The following HMGA2 variants were observed in gnomAD, a reference collection of about 807,000 sequenced individuals.
The protein encoded by HMGA2 is high mobility group protein HMGI-C.
HMGA2 carries 8 observed loss-of-function variants against 19.1 expected under a neutral mutation model. The observed-to-expected ratio is 0.42, with a 90% CI of 0.25 to 0.76. The LOEUF (loss-of-function observed/expected upper bound fraction) is 0.76. HMGA2 is among the 30% of genes least tolerant of loss of function. HMGA2 has a pLI of 0.28. For synonymous variants in HMGA2, 60 were observed against 48.8 expected, an observed-to-expected ratio of 1.23 and a Z score of -0.96; for missense variants, 109 against 136.3, an observed-to-expected ratio of 0.80 and a Z score of 1.00.
At chr12:65,877,882 C>T (rs1592412991) in intron 3 of HMGA2, among the ~76,000 whole-genome samples, 1 of 152,012 alleles carries the variant, frequency 6.6e-6, no homozygotes, top group East Asian at 1.9e-4. Context: ...TCCTATGTTC[C>T]ATATCATGGG....
intron 3 of HMGA2, among the ~76,000 whole-genome samples, chr12:65,890,309 C>T (rs577031471): frequency 6.6e-6 from 1 of 152,302 alleles, no homozygotes; most frequent in South Asian, 2.1e-4. Flanking sequence ...CTTAGCACAG[C>T]ACCTGAGGCA....
intron 3 of HMGA2, among the ~76,000 whole-genome samples, chr12:65,897,633 T>C (rs576812671): frequency 9.2e-5 from 14 of 152,186 alleles, no homozygotes; most frequent in African/African-American, 3.1e-4. Flanking sequence ...TAAGGGAGGA[T>C]GGGTGAAAAG....
At chr12:65,845,364 G>A (rs956357868) in intron 3 of HMGA2, among the ~76,000 whole-genome samples, 2 of 152,088 alleles carry the variant, frequency 1.3e-5, no homozygotes, top group African/African-American at 4.8e-5. Flanking sequence ...TGCCTCCCGG[G>A]TTCAAGTGAT....
Position 65,915,139 on chromosome 12 carries a change from T to C in HMGA2, c.250-36244T>C, listed in dbSNP as rs377705231. The C allele has an allele frequency of 9.9e-6, 16 of 1,613,596 alleles. No homozygotes were observed. In the Admixed American group the frequency reaches 1.0e-4, roughly 10 times the overall value. On this transcript the variant is annotated intron_variant, in intron 3 of 4. Coordinates refer to ENST00000403681, the MANE Select transcript of HMGA2 (RefSeq NM_003483.6). ...CCAAAAGGAGTCACTGAATTGTCATTGGAGGAGTCCAGGATAGCTCTTCAT... is the reference window on the plus strand; with the variant it reads ...CCAAAAGGAGTCACTGAATTGTCATCGGAGGAGTCCAGGATAGCTCTTCAT...
At chr12:65,867,091 A>G (rs367797109) in intron 3 of HMGA2, 1 of 372,682 alleles carries the variant, frequency 2.7e-6, no homozygotes, top group East Asian at 7.3e-5. Flanking sequence ...GGTACATGAG[A>G]TAACTTAGCA....
chr12:65,864,992 T>A (rs1266299956), intron 3 of HMGA2, among the ~76,000 whole-genome samples: 1 of 152,104 alleles, frequency 6.6e-6, no homozygotes, highest in Non-Finnish European at 1.5e-5. Context: ...TCTGCCTCTG[T>A]TACCCCTGAA....
chr12:65,858,742 C>A (rs959048573), intron 3 of HMGA2: 1 of 152,108 alleles, frequency 6.6e-6, no homozygotes, highest in African/African-American at 2.4e-5. Context: ...CCACAAAAAA[C>A]CTCCTAAAAA....
chr12:65,849,545 C>G (rs932511780), intron 3 of HMGA2, among the ~76,000 whole-genome samples: 1 of 151,992 alleles, frequency 6.6e-6, no homozygotes, highest in Non-Finnish European at 1.5e-5. Flanking sequence ...CCTTTCATAT[C>G]TTTGGACTAC....
chr12:65,852,235 G>A (rs1024720735), intron 3 of HMGA2, among the ~76,000 whole-genome samples: 5 of 152,296 alleles, frequency 3.3e-5, no homozygotes, highest in Admixed American at 2.6e-4. Flanking sequence ...GGGGGCTCAC[G>A]CCTACAATCC....
chr12:65,947,514 T>C (rs889639212), intron 3 of HMGA2, among the ~76,000 whole-genome samples: 1 of 152,198 alleles, frequency 6.6e-6, no homozygotes, highest in Non-Finnish European at 1.5e-5. Flanking sequence ...TTTCACCCCA[T>C]TGTATTTTAG....
intron 3 of HMGA2, among the ~76,000 whole-genome samples, chr12:65,874,394 T>C (rs945839285): frequency 2.6e-5 from 4 of 152,176 alleles, no homozygotes; most frequent in Non-Finnish European, 5.9e-5. Flanking sequence ...CCTTTAATGA[T>C]GTGAGGTGAA....
At chr12:65,848,436 G>A (rs1016388221) in intron 3 of HMGA2, among the ~76,000 whole-genome samples, 19 of 152,192 alleles carry the variant, frequency 1.2e-4, no homozygotes, top group Non-Finnish European at 2.4e-4. Context: ...AGCACTTAAA[G>A]TGATACATTA....
intron 2 of HMGA2, among the ~76,000 whole-genome samples, chr12:65,834,643 C>A (rs1870634034): frequency 6.6e-6 from 1 of 151,334 alleles, no homozygotes; most frequent in African/African-American, 2.4e-5. Context: ...TGCCTCCCTC[C>A]TTCCCTTCCT....
chr12:65,839,099 GTTTAT>G (rs1356259777), intron 3 of HMGA2, among the ~76,000 whole-genome samples: 2 of 149,600 alleles, frequency 1.3e-5, no homozygotes, highest in Non-Finnish European at 3.0e-5. Context: ...GGAAGCAAGG[GTTTAT>G]TTTGAGTTTT....
At chr12:65,827,868 C>A (rs1365209681) in intron 1 of HMGA2, 133 bp from the exon 2 acceptor site, 2 of 716,728 alleles carry the variant, frequency 2.8e-6, no homozygotes, top group East Asian at 5.2e-5. Flanking sequence ...CATCATCATC[C>A]ATTTATGCTT....
chr12:65,915,602 T>C (rs1449379707), intron 3 of HMGA2: 1 of 1,017,824 alleles, frequency 9.8e-7, no homozygotes, highest in African/African-American at 1.7e-5. Flanking sequence ...TATTTTCCTG[T>C]GTCTTTTATC....
chr12:65,961,106 A>G (rs1448054642), intron 4 of HMGA2, among the ~76,000 whole-genome samples: 2 of 152,218 alleles, frequency 1.3e-5, no homozygotes, highest in Non-Finnish European at 2.9e-5. Flanking sequence ...TGCCAGCTTG[A>G]CTGAGTTCTA....
chr12:65,825,299 A>T lies in HMGA2; in HGVS notation c.29A>T (p.Gln10Leu). Residue 10 changes from glutamine to leucine, a missense_variant, in exon 1 of 5, where the codon CAG becomes CTG. Gln to Leu is a moderately radical substitution (Grantham distance 113). Transcript: ENST00000403681. The surrounding 1 kb of genome is among the most constrained non-coding windows in gnomAD (Gnocchi z 4.4). Reference protein sequence around the residue: MSARGEGAGQPSTSAQGQPA... With the variant: MSARGEGAGLPSTSAQGQPA... Reference sequence around the variant, plus strand: ...AGCGCACGCGGTGAGGGCGCGGGGCAGCCGTCCACTTCAGCCCAGGGACAA... The same window carrying T: ...AGCGCACGCGGTGAGGGCGCGGGGCTGCCGTCCACTTCAGCCCAGGGACAA... 1 of 1,534,872 alleles carries T rather than the reference A, an allele frequency of 6.5e-7. No individual in the cohort carries two copies. Among genetic ancestry groups the T allele is most frequent in the South Asian group, 1.2e-5 (1 of 83,406 alleles).
At chr12:65,937,943 C>T (rs1875951894) in intron 3 of HMGA2, among the ~76,000 whole-genome samples, 1 of 152,144 alleles carries the variant, frequency 6.6e-6, no homozygotes, top group Non-Finnish European at 1.5e-5. Flanking sequence ...TATCCATTCC[C>T]CAATTTCCTT....
Sources: allele counts gnomAD v4.1 joint callset (sites outside exome capture counted in the v4.1 genomes callset), GRCh38; gene constraint gnomAD v4.1.1; non-coding constraint Gnocchi (gnomAD v3.1); transcripts MANE v1.5; gene names NCBI Gene and HGNC (gene_info 2026-07-23, HGNC 2026-07-21).